SLC44A4: variants seen among roughly 807,000 people sequenced by gnomAD.
SLC44A4 encodes the protein solute carrier family 44 member 4, also known as choline transporter-like protein 4.
SLC44A4 carries 74 observed loss-of-function variants against 97.0 expected under a neutral mutation model. That is an observed-to-expected ratio of 0.76 (90% confidence interval 0.63 to 0.93). The LOEUF (loss-of-function observed/expected upper bound fraction) is 0.93, where lower values mean the gene tolerates loss of function less well. Among genes scored for constraint, SLC44A4 ranks in the 40% least tolerant of loss-of-function variants. The pLI is 0.00. For missense variants in SLC44A4, 799 were observed against 902.9 expected, an observed-to-expected ratio of 0.88 and a Z score of 1.48; for synonymous variants, 325 against 363.8, an observed-to-expected ratio of 0.89 and a Z score of 1.21.
Position 31,874,872 on chromosome 6 carries a change from G to A in SLC44A4, c.343-26C>T, listed in dbSNP as rs1763360869. The A allele has an allele frequency of 6.2e-7, 1 of 1,613,086 alleles. No individual in the cohort carries two copies. The highest frequency in any genetic ancestry group is 8.5e-7 in the Non-Finnish European group (1 of 1,179,440). On this transcript the variant is annotated intron_variant, in intron 5 of 20. Transcript: ENST00000229729. The surrounding 1 kb of genome is among the most constrained non-coding windows in gnomAD (Gnocchi z 4.8). Reference sequence around the variant, plus strand: ...CTGGGTGCAGAGAGAACACTAAGGGGCTGGAACCTGAGACCCTGGGTGAGA... The same window carrying A: ...CTGGGTGCAGAGAGAACACTAAGGGACTGGAACCTGAGACCCTGGGTGAGA...
At chr6:31,875,727 G>T in intron 4 of SLC44A4, 125 bp downstream of exon 4, 1 of 826,660 alleles carries the variant, frequency 1.2e-6, no homozygotes, top group South Asian at 1.7e-5. Flanking sequence ...GCTGAGGTGG[G>T]GTGGGGACAG....
intron 3 of SLC44A4, 22 bp from the exon 4 acceptor site, chr6:31,875,952 A>G (rs748413157): frequency 1.9e-6 from 3 of 1,613,874 alleles, no homozygotes; most frequent in Admixed American, 3.3e-5. Flanking sequence ...GGCACAGATG[A>G]GTCATTGGAG....
chr6:31,869,524 G>A lies in SLC44A4; in HGVS notation c.1130+21C>T, dbSNP rs558135798. The A allele has an allele frequency of 1.9e-6, 3 of 1,577,760 alleles. No homozygotes were observed. The African/African-American group carries it at 4.0e-5, about 21-fold the overall frequency. On this transcript the variant is annotated intron_variant, in intron 12 of 20. Transcript: ENST00000229729. ...ACCCCCCAGGACTCCAAGAGTGGCTGGCTGCGTGGGCAGAGGATACAGAGC... is the reference window on the plus strand; with the variant it reads ...ACCCCCCAGGACTCCAAGAGTGGCTAGCTGCGTGGGCAGAGGATACAGAGC...
At position 31,878,811 on chromosome 6, in the gene SLC44A4, T is replaced by C. The variant is rs1415640930; in HGVS notation, c.40+130A>G. The C allele has an allele frequency of 1.8e-6, 2 of 1,136,554 alleles. No homozygotes were observed. The highest frequency in any genetic ancestry group is 2.6e-6 in the Non-Finnish European group (2 of 760,298). The allele number at this position is 1,136,554 out of a possible 1,614,324, so 70.4% of individuals were successfully genotyped here. On this transcript the variant is annotated intron_variant, in intron 1 of 20. Transcript: ENST00000229729. This position sits in a 1 kb window ranked among gnomAD's most constrained non-coding sequence, Gnocchi z 4.0. ...ACTCCCTCCCTCCATGGCTCCCGGTTCCCGGGCCCTCCCCTCAGGGACACA... is the reference window on the plus strand; with the variant it reads ...ACTCCCTCCCTCCATGGCTCCCGGTCCCCGGGCCCTCCCCTCAGGGACACA...
chr6:31,872,995 G>A (rs1468351948), intron 7 of SLC44A4, among the ~76,000 whole-genome samples: 4 of 152,044 alleles, frequency 2.6e-5, no homozygotes, highest in African/African-American at 7.2e-5. Context: ...TCCTACTTCA[G>A]CCTCCCGAGT....
At position 31,875,920 on chromosome 6, in the gene SLC44A4, A is replaced by G. The variant is rs1319222955; in HGVS notation, c.174T>C (p.Tyr58=). 6.2e-7 allele frequency: 1 copy of G among 1,613,894 alleles called. No homozygotes were observed. The highest frequency in any genetic ancestry group is 8.5e-7 in the Non-Finnish European group (1 of 1,179,956). The change falls in exon 4 of 21, where the codon TAT becomes TAC. Residue 58 remains tyrosine, a synonymous_variant. Transcript: ENST00000229729. ...GGTAGAGGACTTGCCGGGGGTCTCC[A>G]TACAACCAGGCTGCAGACAGAGGCA... ...YIVVGIVAWL[Y]GDPRQVLYPR... is the part of the protein sequence containing the mutation.
In SLC44A4 at chr6:31,869,272, A is replaced by G; in HGVS notation, c.1131-15T>C. On this transcript the variant is annotated splice_polypyrimidine_tract_variant and intron_variant, in intron 12 of 20. Coordinates refer to ENST00000229729, the MANE Select transcript of SLC44A4 (RefSeq NM_025257.3). Reference sequence around the variant, plus strand: ...TAGCCAGGTACCCAGAGGGGAGTCAAGGAAAGCATGATCACACGAGGTCTC... The same window carrying G: ...TAGCCAGGTACCCAGAGGGGAGTCAGGGAAAGCATGATCACACGAGGTCTC... 6.3e-7 allele frequency: 1 copy of G among 1,588,808 alleles called. No homozygotes were observed. Among genetic ancestry groups the G allele is most frequent in the Non-Finnish European group, 8.6e-7 (1 of 1,165,448 alleles).
Position 31,878,886 on chromosome 6 carries a change from A to C in SLC44A4, c.40+55T>G. On this transcript the variant is annotated intron_variant, in intron 1 of 20. Coordinates refer to ENST00000229729, the MANE Select transcript of SLC44A4 (RefSeq NM_025257.3). This position sits in a 1 kb window ranked among gnomAD's most constrained non-coding sequence, Gnocchi z 4.0. Reference sequence around the variant, plus strand: ...GGAGCCAGCCCCAGACACCATTCCCAAAGTACCCGTCCTCCCCTCCCTCCA... The same window carrying C: ...GGAGCCAGCCCCAGACACCATTCCCCAAGTACCCGTCCTCCCCTCCCTCCA... 1 of 1,591,348 alleles carries C rather than the reference A, an allele frequency of 6.3e-7. No homozygotes were observed. The highest frequency in any genetic ancestry group is 8.6e-7 in the Non-Finnish European group (1 of 1,159,718).
chr6:31,864,934 G>A (rs1218887350), intron 18 of SLC44A4, 24 bp from the exon 19 acceptor site: 1 of 1,613,704 alleles, frequency 6.2e-7, no homozygotes, highest in Non-Finnish European at 8.5e-7. Context: ...CTGGGGGTTA[G>A]TGCTGCACCT....
In SLC44A4 at chr6:31,869,155, C is replaced by T. The variant is rs372107787; in HGVS notation, c.1233G>A (p.Thr411=). ...CTCCATGTCCCCTGCTTCCTCTTAC[C>T]GTGGGGTTGCATGATGTATTTATTG... ...KVPINTSCNP[T]AHLVNSSCPG... Residue 411 remains threonine (T), a splice_region_variant and synonymous_variant, in exon 13 of 21, where the codon ACG becomes ACA. Transcript: ENST00000229729. The T allele has an allele frequency of 1.2e-5, 20 of 1,603,152 alleles. No homozygotes were observed. The highest frequency in any genetic ancestry group is 1.7e-4 in the Middle Eastern group (1 of 6,032).
At position 31,878,262 on chromosome 6, in the gene SLC44A4, A is replaced by G. The variant is rs1405520149; in HGVS notation, c.40+679T>C. ...TGTCCCTATTCCTCAGAGTACCCCA[A>G]GACCAGCTCCTGCTCCTAGCTCCTC... On this transcript the variant is annotated intron_variant, in intron 1 of 20. Coordinates refer to ENST00000229729, the MANE Select transcript of SLC44A4 (RefSeq NM_025257.3). The surrounding 1 kb of genome is among the most constrained non-coding windows in gnomAD (Gnocchi z 4.0). 6.6e-6 allele frequency among the ~76,000 whole-genome samples: 1 copy of G among 151,722 alleles called. No individual in the cohort carries two copies. The highest frequency in any genetic ancestry group is 1.5e-5 in the Non-Finnish European group (1 of 67,888).
Position 31,877,000 on chromosome 6 carries a change from C to T in SLC44A4, c.89+34G>A, listed in dbSNP as rs1390733255. The T allele has an allele frequency of 6.3e-7, 1 of 1,593,672 alleles. No individual in the cohort carries two copies. The highest frequency in any genetic ancestry group is 2.2e-5 in the East Asian group (1 of 44,566). The stretch of plus-strand genomic sequence containing the variant: ...TGGATTCCACACTGCACCCACCACC[C>T]CCGCCAGCCCCCGGAGCAGTGCCCA... On this transcript the variant is annotated intron_variant, in intron 2 of 20. Transcript: ENST00000229729. The surrounding 1 kb of genome is among the most constrained non-coding windows in gnomAD (Gnocchi z 4.8).
In SLC44A4 at chr6:31,863,468, C is replaced by G; in HGVS notation, c.*159G>C. The G allele has an allele frequency of 1.9e-6, 2 of 1,042,146 alleles. No homozygotes were observed. Among genetic ancestry groups the G allele is most frequent in the Non-Finnish European group, 2.6e-6 (2 of 756,744 alleles). 64.6% of individuals were successfully genotyped at this position (1,042,146 alleles called of 1,614,324 possible). On this transcript the variant is annotated 3_prime_UTR_variant, in exon 21 of 21. Transcript: ENST00000229729. ...TCTCGAACTCCTGACTCAGGTGATC[C>G]GCCCGCCTCAGCCTCTCAAAGTGTT...
At position 31,863,350 on chromosome 6, in the gene SLC44A4, C is replaced by G. The variant is rs1358658021; in HGVS notation, c.*277G>C. Reference sequence around the variant, plus strand: ...AAGCGATTCTCCTGCCTCAGCCTCCCGAGTAGCTGGGATGACAGGTGCATG... The same window carrying G: ...AAGCGATTCTCCTGCCTCAGCCTCCGGAGTAGCTGGGATGACAGGTGCATG... On this transcript the variant is annotated 3_prime_UTR_variant, in exon 21 of 21. Transcript: ENST00000229729. The G allele has an allele frequency of 2.1e-5, 7 of 326,110 alleles. No individual in the cohort carries two copies. The highest frequency in any genetic ancestry group is 3.3e-5 in the Non-Finnish European group (6 of 179,462). The allele number at this position is 326,110 out of a possible 1,614,324, so 20.2% of individuals were successfully genotyped here.
Position 31,876,945 on chromosome 6 carries a change from C to A in SLC44A4, c.89+89G>T. 1.5e-6 allele frequency: 2 copies of A among 1,325,176 alleles called. No homozygotes were observed. The highest frequency in any genetic ancestry group is 2.3e-5 in the Admixed American group (1 of 42,672). The allele number at this position is 1,325,176 out of a possible 1,614,324, so 82.1% of individuals were successfully genotyped here. ...GTTTCTCTTTTTCACAAGTTTCCTA[C>A]TAATATTTTAGCAAATACAAAGCAA... On this transcript the variant is annotated intron_variant, in intron 2 of 20. Transcript: ENST00000229729. The surrounding 1 kb of genome is among the most constrained non-coding windows in gnomAD (Gnocchi z 4.8).
chr6:31,877,463 C>T lies in SLC44A4; in HGVS notation c.41-381G>A. On this transcript the variant is annotated intron_variant, in intron 1 of 20. Transcript: ENST00000229729. This position sits in a 1 kb window ranked among gnomAD's most constrained non-coding sequence, Gnocchi z 6.5. ...GTGGCTCTCACTCCCTCATTCTCAT[C>T]CCTGCCTCCTCCCTAATCCCTCCCC... 2.5e-6 allele frequency: 1 copy of T among 403,646 alleles called. No homozygotes were observed. Among genetic ancestry groups the T allele is most frequent in the Non-Finnish European group, 3.7e-6 (1 of 267,566 alleles). The allele number at this position is 403,646 out of a possible 1,614,324, so 25.0% of individuals were successfully genotyped here.
chr6:31,877,479 A>C lies in SLC44A4; in HGVS notation c.41-397T>G. 2 of 479,752 alleles carry C rather than the reference A, an allele frequency of 4.2e-6. No individual in the cohort carries two copies. The highest frequency in any genetic ancestry group is 5.7e-6 in the Non-Finnish European group (2 of 348,430). 29.7% of individuals were successfully genotyped at this position (479,752 alleles called of 1,614,324 possible). Reference sequence around the variant, plus strand: ...CATTCTCATCCCTGCCTCCTCCCTAATCCCTCCCCAGGGACCACACAGACC... The same window carrying C: ...CATTCTCATCCCTGCCTCCTCCCTACTCCCTCCCCAGGGACCACACAGACC... On this transcript the variant is annotated intron_variant, in intron 1 of 20. Transcript: ENST00000229729. The surrounding 1 kb of genome is among the most constrained non-coding windows in gnomAD (Gnocchi z 6.5).
At position 31,866,140 on chromosome 6, in the gene SLC44A4, C is replaced by T. The variant is rs201330164; in HGVS notation, c.1234-14G>A. On this transcript the variant is annotated splice_polypyrimidine_tract_variant and intron_variant, in intron 13 of 20. Transcript: ENST00000229729. ...CACAAGGTGGGCCTGGGAGGGTAGACGGGGATAGAGTAGGCTCAGGCATCG... is the reference window on the plus strand; with the variant it reads ...CACAAGGTGGGCCTGGGAGGGTAGATGGGGATAGAGTAGGCTCAGGCATCG... 30 of 1,613,050 alleles carry T rather than the reference C, an allele frequency of 1.9e-5. No individual in the cohort carries two copies. Among genetic ancestry groups the T allele is most frequent in the African/African-American group, 1.7e-4 (13 of 74,886 alleles).
chr6:31,877,334 G>A lies in SLC44A4; in HGVS notation c.41-252C>T, dbSNP rs765137855. 6.6e-6 allele frequency among the ~76,000 whole-genome samples: 1 copy of A among 152,066 alleles called. No individual in the cohort carries two copies. Among genetic ancestry groups the A allele is most frequent in the African/African-American group, 2.4e-5 (1 of 41,394 alleles). Reference sequence around the variant, plus strand: ...GGGAAGGAAGGCCTTTATAGTTTCCGGCTCACATCTCAAGGCAGTCAGTCT... The same window carrying A: ...GGGAAGGAAGGCCTTTATAGTTTCCAGCTCACATCTCAAGGCAGTCAGTCT... On this transcript the variant is annotated intron_variant, in intron 1 of 20. Coordinates refer to ENST00000229729, the MANE Select transcript of SLC44A4 (RefSeq NM_025257.3). This position sits in a 1 kb window ranked among gnomAD's most constrained non-coding sequence, Gnocchi z 6.5.
Sources: allele counts gnomAD v4.1 joint callset (sites outside exome capture counted in the v4.1 genomes callset), GRCh38; gene constraint gnomAD v4.1.1; non-coding constraint Gnocchi (gnomAD v3.1); transcripts MANE v1.5; gene names NCBI Gene and HGNC (gene_info 2026-07-23, HGNC 2026-07-21).